SH3D19: variants seen among roughly 807,000 people sequenced by gnomAD.
SH3D19 encodes the protein SH3 domain containing 19.
Under a neutral mutation model 112.1 loss-of-function variants are expected in SH3D19, and 58 were observed. The observed-to-expected ratio is 0.52, with a 90% CI of 0.42 to 0.64. SH3D19 has a LOEUF of 0.64. SH3D19 is among the 30% of genes least tolerant of loss of function. The pLI, the probability that SH3D19 is intolerant of heterozygous loss-of-function variation, is 0.00. For synonymous variants in SH3D19, 391 were observed against 448.5 expected (o/e 0.87, Z 1.62); for missense variants, 1,090 against 1,263.4 (o/e 0.86, Z 2.08).
chr4:151,258,005 C>T lies in SH3D19; in HGVS notation c.113-31919G>A, dbSNP rs543247640. Among the ~76,000 whole-genome samples the T allele has an allele frequency of 7.2e-5, 11 of 152,260 alleles. No individual in the cohort carries two copies. In the East Asian group the frequency reaches 1.9e-3, roughly 27 times the overall value. On this transcript the variant is annotated intron_variant, in intron 1 of 19. Transcript: ENST00000604030. ...CACATACAAATGCTCTGTCAATAGT[C>T]CCATGTCACAGTCCCTTGTTTAGTT...
chr4:151,126,366 G>T (rs1266997617), intron 19 of SH3D19, among the ~76,000 whole-genome samples: 1 of 152,138 alleles, frequency 6.6e-6, no homozygotes, highest in Non-Finnish European at 1.5e-5. Flanking sequence ...CAATGACAGA[G>T]AATTTACCAC....
In SH3D19 at chr4:151,148,017, C is replaced by A; in HGVS notation, c.1987G>T (p.Gly663Ter). The change falls in exon 11 of 20, where the codon GGA (glycine) becomes TGA (stop). Residue 663 changes from glycine (G) to a stop codon, truncating the protein, a stop_gained. Transcript: ENST00000604030. LOFTEE classifies it high-confidence loss of function. ...LQKKQSNLAT[G>*]LSKAKSQVFK... is the part of the protein sequence containing the mutation. ...ACTTGACTCTTGGCTTTTGAGAGTC[C>A]AGTTGCCAAGTTACTTTGTTTTTTC... is the stretch of plus-strand genomic sequence containing the variant. 1 of 1,614,018 alleles carries A rather than the reference C, an allele frequency of 6.2e-7. No individual in the cohort carries two copies. The highest frequency in any genetic ancestry group is 8.5e-7 in the Non-Finnish European group (1 of 1,180,018).
At chr4:151,258,384 A>G (rs1351638742) in intron 1 of SH3D19, among the ~76,000 whole-genome samples, 1 of 152,192 alleles carries the variant, frequency 6.6e-6, no homozygotes, top group Non-Finnish European at 1.5e-5. Flanking sequence ...CTGCACAGCC[A>G]TTTGAGATCC....
chr4:151,131,413 CTTGA>C (rs1353058612), intron 17 of SH3D19, among the ~76,000 whole-genome samples: 1 of 149,428 alleles, frequency 6.7e-6, no homozygotes, highest in African/African-American at 2.5e-5. Context: ...TATATATTTT[CTTGA>C]TTATTAGAAA....
intron 12 of SH3D19, 98 bp downstream of exon 12, chr4:151,143,812 A>G: frequency 1.5e-6 from 2 of 1,332,392 alleles, no homozygotes; most frequent in Middle Eastern, 2.0e-4. Context: ...GTTAAAATAA[A>G]TGTGCTAATA....
intron 10 of SH3D19, 129 bp downstream of exon 10, chr4:151,149,371 C>A (rs559495150): frequency 2.1e-5 from 14 of 670,268 alleles, no homozygotes; most frequent in Middle Eastern, 2.8e-4. Context: ...TAGGGGCCTG[C>A]GTGAAATCGG....
intron 2 of SH3D19, among the ~76,000 whole-genome samples, chr4:151,208,931 C>A (rs940513669): frequency 1.3e-5 from 2 of 152,166 alleles, no homozygotes; most frequent in East Asian, 3.9e-4. Context: ...CCCGCCTCAG[C>A]CTCCCAAAGT....
intron 3 of SH3D19, among the ~76,000 whole-genome samples, chr4:151,183,835 G>T (rs1051303630): frequency 6.6e-6 from 1 of 152,176 alleles, no homozygotes; most frequent in African/African-American, 2.4e-5. Flanking sequence ...TCTGTGGAGT[G>T]GAAAGCTCAA....
intron 6 of SH3D19, 101 bp from the exon 7 acceptor site, chr4:151,175,775 C>T: frequency 9.3e-7 from 1 of 1,069,542 alleles, no homozygotes; most frequent in Non-Finnish European, 1.2e-6. Flanking sequence ...AAACTACATA[C>T]ATGGAATATC....
At chr4:151,163,363 T>C (rs1757465136) in intron 8 of SH3D19, among the ~76,000 whole-genome samples, 1 of 152,172 alleles carries the variant, frequency 6.6e-6, no homozygotes, top group Non-Finnish European at 1.5e-5. Flanking sequence ...ATGAATAAAT[T>C]TAAAAATTTG....
intron 12 of SH3D19, among the ~76,000 whole-genome samples, chr4:151,142,530 A>T (rs1456398373): frequency 1.3e-5 from 2 of 152,206 alleles, no homozygotes; most frequent in Non-Finnish European, 1.5e-5. Context: ...ACATTAAAAA[A>T]ATAAAGTTTA....
At chr4:151,267,944 A>G (rs1270140765) in intron 1 of SH3D19, among the ~76,000 whole-genome samples, 1 of 152,324 alleles carries the variant, frequency 6.6e-6, no homozygotes, top group African/African-American at 2.4e-5. Context: ...AAGAGAAAGA[A>G]GATTGTCTGT....
At chr4:151,136,135 C>T (rs1215251894) in intron 14 of SH3D19, among the ~76,000 whole-genome samples, 8 of 152,052 alleles carry the variant, frequency 5.3e-5, no homozygotes, top group African/African-American at 1.4e-4. Context: ...TAAGTGGCAA[C>T]ACTTTGTTTT....
chr4:151,315,542 G>T (rs1729900994), intron 1 of SH3D19, among the ~76,000 whole-genome samples: 1 of 152,126 alleles, frequency 6.6e-6, no homozygotes, highest in Non-Finnish European at 1.5e-5. Flanking sequence ...CATCCATACA[G>T]ATCAGATATT....
chr4:151,155,224 G>A (rs1039415981), intron 9 of SH3D19, among the ~76,000 whole-genome samples: 2 of 152,132 alleles, frequency 1.3e-5, no homozygotes, highest in African/African-American at 4.8e-5. Context: ...TTTCCTCCAA[G>A]GGAATTTGGG....
At chr4:151,135,163 T>C (rs754576477) in intron 14 of SH3D19, 31 bp from the exon 15 acceptor site, 19 of 1,538,038 alleles carry the variant, frequency 1.2e-5, no homozygotes, top group East Asian at 4.6e-5. Flanking sequence ...GCAACAATTA[T>C]ATTTTTTTCA....
intron 11 of SH3D19, among the ~76,000 whole-genome samples, chr4:151,146,298 A>G (rs1298127473): frequency 1.3e-5 from 2 of 151,810 alleles, no homozygotes. Flanking sequence ...GATCATTTTT[A>G]TTTTATTTTT....
At chr4:151,279,654 G>A (rs539593831) in intron 1 of SH3D19, 1 of 716,672 alleles carries the variant, frequency 1.4e-6, no homozygotes, top group African/African-American at 1.8e-5. Context: ...TGCTGGGTGT[G>A]GAACCAGAAT....
At chr4:151,230,940 A>G (rs1456239637) in intron 1 of SH3D19, among the ~76,000 whole-genome samples, 1 of 152,128 alleles carries the variant, frequency 6.6e-6, no homozygotes, top group Admixed American at 6.5e-5. Context: ...TGCATTACCA[A>G]TGAAGCGATT....
Sources: gnomAD v4.1 joint callset for allele counts (sites outside exome capture counted in the v4.1 genomes callset) on GRCh38, gnomAD v4.1.1 for gene constraint, MANE v1.5 for transcripts, NCBI Gene and HGNC (gene_info 2026-07-23, HGNC 2026-07-21) for gene names.